Variants in TOPBP1 observed in about 807,000 individuals in gnomAD.
The protein encoded by TOPBP1 is DNA topoisomerase 2-binding protein 1.
TOPBP1 carries 28 observed loss-of-function variants against 167.7 expected under a neutral mutation model. That is an observed-to-expected ratio of 0.17 (90% CI 0.12 to 0.23). The LOEUF is 0.23. TOPBP1 is among the 10% of genes least tolerant of loss of function. The pLI, the probability that TOPBP1 is intolerant of heterozygous loss-of-function variation, is 1.00. For missense variants in TOPBP1, 1,554 were observed against 1,809.6 expected, an observed-to-expected ratio of 0.86 and a Z score of 2.56; for synonymous variants, 598 against 611.4, an observed-to-expected ratio of 0.98 and a Z score of 0.32.
chr3:133,601,093 T>C lies in TOPBP1; in HGVS notation c.*157A>G. The C allele has an allele frequency of 1.9e-6, 1 of 533,504 alleles. No individual in the cohort carries two copies. 33.0% of individuals were successfully genotyped at this position (533,504 alleles called of 1,614,324 possible). A position where few individuals can be genotyped will look rare whatever the true frequency, so the allele number is the denominator to read the frequency against. On this transcript the variant is annotated 3_prime_UTR_variant, in exon 28 of 28. Coordinates refer to ENST00000260810, the MANE Select transcript of TOPBP1 (RefSeq NM_007027.4). ...CAGTTAATATTTCAGTGATTACAAT[T>C]TCAGGTGTTCAAAACTCAAGAAGGG... is the stretch of plus-strand genomic sequence containing the variant.
At chr3:133,608,057 G>T (rs1198438681) in intron 27 of TOPBP1, among the ~76,000 whole-genome samples, 1 of 152,154 alleles carries the variant, frequency 6.6e-6, no homozygotes, top group Non-Finnish European at 1.5e-5. Context: ...GGTGTCAGAA[G>T]ATTTTTCTTA....
At chr3:133,633,777 C>T (rs1400526181) in intron 14 of TOPBP1, among the ~76,000 whole-genome samples, 2 of 152,150 alleles carry the variant, frequency 1.3e-5, no homozygotes, top group South Asian at 2.1e-4. Flanking sequence ...GACGACACAG[C>T]GAGACCTTGT....
intron 27 of TOPBP1, among the ~76,000 whole-genome samples, chr3:133,603,938 A>G (rs1934403479): frequency 6.6e-6 from 1 of 151,916 alleles, no homozygotes; most frequent in South Asian, 2.1e-4. Context: ...GTGATAAAAC[A>G]AGTCTCAATA....
At chr3:133,640,367 G>A (rs1039900248) in intron 12 of TOPBP1, among the ~76,000 whole-genome samples, 197 bp from the exon 13 acceptor site, 7 of 152,162 alleles carry the variant, frequency 4.6e-5, no homozygotes, top group Admixed American at 2.6e-4. Context: ...ATGTATTGCT[G>A]TAACAAACTT....
chr3:133,653,173 G>C (rs142083631), intron 7 of TOPBP1, among the ~76,000 whole-genome samples, 172 bp downstream of exon 7: 3 of 152,054 alleles, frequency 2.0e-5, no homozygotes, highest in African/African-American at 7.2e-5. Context: ...AGAAAATTAC[G>C]AACAGTTCAG....
rs180795853 is a variant in TOPBP1, at chr3:133,605,191, C to T, written c.4425+3344G>A. On this transcript the variant is annotated intron_variant, in intron 27 of 27. Transcript: ENST00000260810. Reference sequence around the variant, plus strand: ...TCCAGTGTGGGCAACAGAGCCAGACCGTGTCTCAAAAAAAAAAAAAAGAAA... The same window carrying T: ...TCCAGTGTGGGCAACAGAGCCAGACTGTGTCTCAAAAAAAAAAAAAAGAAA... 5.4e-5 allele frequency among the ~76,000 whole-genome samples: 8 copies of T among 148,430 alleles called. No individual in the cohort carries two copies. In the East Asian group the frequency reaches 1.2e-3, roughly 22 times the overall value.
chr3:133,644,539 C>T (rs1458189168), intron 10 of TOPBP1, among the ~76,000 whole-genome samples, 176 bp from the exon 11 acceptor site: 1 of 152,190 alleles, frequency 6.6e-6, no homozygotes, highest in Non-Finnish European at 1.5e-5. Flanking sequence ...TACCAAGAGT[C>T]CTTATCAGTA....
At position 133,653,557 on chromosome 3, in the gene TOPBP1, A is replaced by G. The variant is rs764823281; in HGVS notation, c.743-33T>C. On this transcript the variant is annotated intron_variant, in intron 6 of 27. Coordinates refer to ENST00000260810, the MANE Select transcript of TOPBP1 (RefSeq NM_007027.4). ...GTTCATTAAGAAAGAAATAGAGAAAATAGGAGAAACCAAGAAATGAAAACC... is the reference window on the plus strand; with the variant it reads ...GTTCATTAAGAAAGAAATAGAGAAAGTAGGAGAAACCAAGAAATGAAAACC... 5 of 1,476,434 alleles carry G rather than the reference A, an allele frequency of 3.4e-6. No individual in the cohort carries two copies. In the South Asian group the frequency reaches 7.1e-5, roughly 21 times the overall value. 91.5% of individuals were successfully genotyped at this position (1,476,434 alleles called of 1,614,324 possible). A position where few individuals can be genotyped will look rare whatever the true frequency, so the allele number is the denominator to read the frequency against.
intron 14 of TOPBP1, among the ~76,000 whole-genome samples, chr3:133,636,696 CAG>C (rs1268933645): frequency 6.6e-6 from 1 of 152,090 alleles, no homozygotes; most frequent in Non-Finnish European, 1.5e-5. Context: ...ATTTGCTCTT[CAG>C]AGAGTCTGTG....
Position 133,628,664 on chromosome 3 carries a change from A to T in TOPBP1, c.2590T>A (p.Ser864Thr), listed in dbSNP as rs1237174703. Reference sequence around the variant, plus strand: ...TGCAAGTTTTTGACAATAACTTCTGAGAGTGGCGTACTCGGTTTCCTTTTC... The same window carrying T: ...TGCAAGTTTTTGACAATAACTTCTGTGAGTGGCGTACTCGGTTTCCTTTTC... ...QQKRKPSTPL[S>T]EVIVKNLQLA... Residue 864 changes from serine (S) to threonine (T), a missense_variant, in exon 15 of 28, where the codon TCA (serine) becomes ACA (threonine). This residue lies in a region of TOPBP1 where 1,197 missense variants were observed against 1,351.5 expected (regional missense o/e 0.89). Coordinates refer to ENST00000260810, the MANE Select transcript of TOPBP1 (RefSeq NM_007027.4). 3 of 1,577,666 alleles carry T rather than the reference A, an allele frequency of 1.9e-6. No homozygotes were observed. The highest frequency in any genetic ancestry group is 2.6e-6 in the Non-Finnish European group (3 of 1,160,532).
chr3:133,611,255 T>C, intron 24 of TOPBP1, 114 bp from the exon 25 acceptor site: 1 of 896,574 alleles, frequency 1.1e-6, no homozygotes, highest in Non-Finnish European at 1.6e-6. Context: ...ATACATTTAA[T>C]TGTTACAAAT....
intron 14 of TOPBP1, 22 bp downstream of exon 14, chr3:133,637,854 G>A: frequency 5.0e-6 from 8 of 1,608,782 alleles, no homozygotes; most frequent in Middle Eastern, 1.7e-4. Flanking sequence ...TTAACTCTGG[G>A]ACCACTGCCT....
At chr3:133,630,033 G>A (rs986844541) in intron 14 of TOPBP1, among the ~76,000 whole-genome samples, 4 of 152,028 alleles carry the variant, frequency 2.6e-5, no homozygotes, top group African/African-American at 7.2e-5. Flanking sequence ...TCATCCAACC[G>A]CCTTTGACTC....
At chr3:133,650,575 T>C (rs1220450121) in intron 8 of TOPBP1, among the ~76,000 whole-genome samples, 2 of 152,102 alleles carry the variant, frequency 1.3e-5, no homozygotes, top group African/African-American at 2.4e-5. Flanking sequence ...TAGCTATCAG[T>C]ATATATATAT....
At chr3:133,622,072 G>A (rs1047826331) in intron 19 of TOPBP1, among the ~76,000 whole-genome samples, 5 of 150,096 alleles carry the variant, frequency 3.3e-5, no homozygotes, top group African/African-American at 7.4e-5. Context: ...AGGAAGAAAA[G>A]CAAGAAAGAA....
chr3:133,637,882 A>G lies in TOPBP1; in HGVS notation c.2514T>C (p.Asp838=), dbSNP rs1935730879. The G allele has an allele frequency of 1.2e-6, 2 of 1,613,658 alleles. No homozygotes were observed. The highest frequency in any genetic ancestry group is 4.5e-5 in the East Asian group (2 of 44,876). ...CACTGCCTATAAACCTTACCTTCAC[A>G]TCAAAGGAAGGCTTGAAGAGTTTGT... ...SKDKLFKPSF[D]VKDALAALET... The change falls in exon 14 of 28, where the codon GAT becomes GAC. Residue 838 remains aspartate (D), a synonymous_variant. Coordinates refer to ENST00000260810, the MANE Select transcript of TOPBP1 (RefSeq NM_007027.4).
chr3:133,602,572 T>C (rs1934340079), intron 27 of TOPBP1, among the ~76,000 whole-genome samples: 1 of 152,222 alleles, frequency 6.6e-6, no homozygotes, highest in Non-Finnish European at 1.5e-5. Flanking sequence ...TTTGGGGCTA[T>C]AAGATGTAGA....
chr3:133,651,906 C>T (rs1936320470), intron 8 of TOPBP1, among the ~76,000 whole-genome samples: 1 of 152,154 alleles, frequency 6.6e-6, no homozygotes, highest in South Asian at 2.1e-4. Context: ...GTCTAATACA[C>T]TGTAAACACT....
Position 133,653,444 on chromosome 3 carries a change from A to G in TOPBP1, c.823T>C (p.Phe275Leu), listed in dbSNP as rs751473212. Residue 275 changes from phenylalanine to leucine, a missense_variant, in exon 7 of 28, where the codon TTT becomes CTT. Transcript: ENST00000260810. ...QWFFDSIEKG[F>L]CQDESIYKTE... is the part of the protein sequence containing the mutation. ...TTGTATATGGATTCATCCTGACAAA[A>G]ACCTTTCTCAATACTGTCAAAAAAC... 2 of 1,612,998 alleles carry G rather than the reference A, an allele frequency of 1.2e-6. No homozygotes were observed. The highest frequency in any genetic ancestry group is 1.1e-5 in the South Asian group (1 of 90,868).
Sources: allele counts gnomAD v4.1 joint callset (sites outside exome capture counted in the v4.1 genomes callset), GRCh38; gene constraint gnomAD v4.1.1; regional missense constraint gnomAD v4.1.1; transcripts MANE v1.5; gene names NCBI Gene and HGNC (gene_info 2026-07-23, HGNC 2026-07-21).